STXBP3: variants seen among roughly 807,000 people sequenced by gnomAD.
STXBP3 encodes syntaxin binding protein 3, also known as syntaxin-binding protein 3.
STXBP3 carries 41 observed loss-of-function variants against 85.7 expected under a neutral mutation model. The observed-to-expected ratio is 0.48, with a 90% CI of 0.37 to 0.62. The LOEUF (loss-of-function observed/expected upper bound fraction) is 0.62. Ranked by LOEUF, STXBP3 falls within the 20% of genes least tolerant of loss-of-function variation. STXBP3 has a pLI of 0.00. For synonymous variants in STXBP3, 229 were observed against 231.7 expected, an observed-to-expected ratio of 0.99 and a Z score of 0.10; for missense variants, 563 against 703.1, an observed-to-expected ratio of 0.80 and a Z score of 2.25.
Position 108,809,068 on chromosome 1 carries a change from C to T in STXBP3, c.*191C>T, listed in dbSNP as rs1206227975. 4.2e-6 allele frequency: 2 copies of T among 476,748 alleles called. No homozygotes were observed. Among genetic ancestry groups the T allele is most frequent in the Non-Finnish European group, 7.3e-6 (2 of 274,750 alleles). 29.5% of individuals were successfully genotyped at this position (476,748 alleles called of 1,614,324 possible). On this transcript the variant is annotated 3_prime_UTR_variant, in exon 19 of 19. Coordinates refer to ENST00000370008, the MANE Select transcript of STXBP3 (RefSeq NM_007269.4). ...TTTGATAATTTAAATATTGCTGCTG[C>T]TTTGTAGATGATGAGAAGAAATGTT...
intron 6 of STXBP3, among the ~76,000 whole-genome samples, chr1:108,769,230 C>G (rs1662330778): frequency 6.6e-6 from 1 of 152,064 alleles, no homozygotes; most frequent in African/African-American, 2.4e-5. Flanking sequence ...TCATTCTTGT[C>G]ATTGTCAAGT....
intron 7 of STXBP3, among the ~76,000 whole-genome samples, chr1:108,773,063 G>A (rs963718128): frequency 3.9e-5 from 6 of 152,178 alleles, no homozygotes; most frequent in Admixed American, 1.3e-4. Flanking sequence ...TCAGTTTAAA[G>A]AACGCTTAGA....
At position 108,782,707 on chromosome 1, in the gene STXBP3, G is replaced by A; in HGVS notation, c.963+1G>A. 1 of 1,598,080 alleles carries A rather than the reference G, an allele frequency of 6.3e-7. No homozygotes were observed. The highest frequency in any genetic ancestry group is 8.5e-7 in the Non-Finnish European group (1 of 1,173,654). On this transcript the variant is annotated splice_donor_variant, in intron 11 of 18. Transcript: ENST00000370008. LOFTEE classifies it high-confidence loss of function. ...AACAAAGAAAGCAACAGAAGGAAAG[G>A]TAAGAGTCTTACTTAACTTTCAAAG...
At chr1:108,787,734 CTTT>C (rs1662889382) in intron 11 of STXBP3, among the ~76,000 whole-genome samples, 1 of 151,444 alleles carries the variant, frequency 6.6e-6, no homozygotes. Context: ...AAGGATGTTC[CTTT>C]CTATTCTTAG....
At chr1:108,760,963 G>A (rs1021513157) in intron 6 of STXBP3, among the ~76,000 whole-genome samples, 1 of 152,062 alleles carries the variant, frequency 6.6e-6, no homozygotes, top group Non-Finnish European at 1.5e-5. Flanking sequence ...GAGTGCAATG[G>A]CGCAATCTTG....
chr1:108,792,731 C>G (rs1663003703), intron 11 of STXBP3, among the ~76,000 whole-genome samples: 1 of 152,168 alleles, frequency 6.6e-6, no homozygotes, highest in Non-Finnish European at 1.5e-5. Context: ...CTAGATGATG[C>G]TGTCTCTACA....
intron 11 of STXBP3, among the ~76,000 whole-genome samples, chr1:108,786,155 TCAGTTGACTCA>T (rs1322750097): frequency 6.6e-6 from 1 of 152,238 alleles, no homozygotes; most frequent in Non-Finnish European, 1.5e-5. Flanking sequence ...ATAAAGAGAT[TCAGTTGACTCA>T]CAGTTCCATA....
chr1:108,782,927 T>C (rs2934742), intron 11 of STXBP3, among the ~76,000 whole-genome samples: 1 of 152,022 alleles, frequency 6.6e-6, no homozygotes, highest in Admixed American at 6.5e-5. Flanking sequence ...TTTTGAGACA[T>C]AGTCTCACTC....
intron 6 of STXBP3, among the ~76,000 whole-genome samples, chr1:108,763,756 T>TG (rs201102294): frequency 0.048 from 7,335 of 151,866 alleles, 221 homozygotes; most frequent in Admixed American, 0.07. Context: ...TGTATTTTTT[T>TG]TTTTTAGTAG....
intron 1 of STXBP3, among the ~76,000 whole-genome samples, chr1:108,749,156 C>CAT (rs1272066962): frequency 6.6e-6 from 1 of 151,982 alleles, no homozygotes; most frequent in East Asian, 1.9e-4. Flanking sequence ...GTGACAGTAG[C>CAT]AATGAAAAAT....
At chr1:108,797,869 G>A (rs951679361) in intron 15 of STXBP3, among the ~76,000 whole-genome samples, 1 of 152,068 alleles carries the variant, frequency 6.6e-6, no homozygotes, top group Non-Finnish European at 1.5e-5. Context: ...CCTAGTAGCT[G>A]GGACTACAGC....
intron 11 of STXBP3, among the ~76,000 whole-genome samples, chr1:108,790,777 T>C (rs1231969760): frequency 2.6e-5 from 4 of 152,144 alleles, no homozygotes; most frequent in African/African-American, 9.7e-5. Context: ...TAATAGTATG[T>C]CCTGAATATG....
intron 17 of STXBP3, among the ~76,000 whole-genome samples, chr1:108,805,717 C>T (rs1413577355): frequency 6.6e-6 from 1 of 152,206 alleles, no homozygotes; most frequent in Non-Finnish European, 1.5e-5. Flanking sequence ...GCCACCACGC[C>T]CAGCCAAGAA....
intron 7 of STXBP3, among the ~76,000 whole-genome samples, chr1:108,775,896 C>T (rs1487416097): frequency 6.6e-6 from 1 of 151,486 alleles, no homozygotes; most frequent in Non-Finnish European, 1.5e-5. Context: ...ATATGTGTGT[C>T]AATGTCAATG....
At chr1:108,792,166 TTAACTC>T (rs1662986590) in intron 11 of STXBP3, among the ~76,000 whole-genome samples, 1 of 152,220 alleles carries the variant, frequency 6.6e-6, no homozygotes, top group Non-Finnish European at 1.5e-5. Flanking sequence ...AGTCTTATAT[TTAACTC>T]TAGGACATTC....
intron 8 of STXBP3, 57 bp from the exon 9 acceptor site, chr1:108,779,229 C>A: frequency 1.3e-6 from 2 of 1,553,706 alleles, no homozygotes; most frequent in Admixed American, 1.8e-5. Flanking sequence ...GATATTAAAA[C>A]TATGTTCACA....
intron 11 of STXBP3, among the ~76,000 whole-genome samples, chr1:108,784,463 T>C (rs1230065460): frequency 1.3e-5 from 2 of 152,214 alleles, no homozygotes; most frequent in African/African-American, 4.8e-5. Context: ...AAGAATAGCA[T>C]GGGGCAAACC....
chr1:108,798,028 T>C, intron 15 of STXBP3, 117 bp from the exon 16 acceptor site: 1 of 845,944 alleles, frequency 1.2e-6, no homozygotes, highest in Non-Finnish European at 1.8e-6. Flanking sequence ...CTCTTAGTTT[T>C]AAGTCAAATA....
intron 3 of STXBP3, among the ~76,000 whole-genome samples, chr1:108,754,967 C>G (rs1661988177): frequency 6.6e-6 from 1 of 152,080 alleles, no homozygotes; most frequent in Non-Finnish European, 1.5e-5. Flanking sequence ...CACATTAGCT[C>G]TCCTGAAAAT....
Sources: gnomAD v4.1 joint callset for allele counts (sites outside exome capture counted in the v4.1 genomes callset) on GRCh38, gnomAD v4.1.1 for gene constraint, MANE v1.5 for transcripts, NCBI Gene and HGNC (gene_info 2026-07-23, HGNC 2026-07-21) for gene names.